Variants in SIPA1L3 observed in about 807,000 individuals in gnomAD.
SIPA1L3 encodes signal induced proliferation associated 1 like 3, also known as signal-induced proliferation-associated 1-like protein 3.
Under a neutral mutation model 150.1 loss-of-function variants are expected in SIPA1L3, and 59 were observed. The ratio of observed to expected loss-of-function variants is 0.39; its 90% confidence interval spans 0.32 to 0.49. The LOEUF (loss-of-function observed/expected upper bound fraction) is 0.49. Among genes scored for constraint, SIPA1L3 ranks in the 20% least tolerant of loss-of-function variants. The pLI, the probability that SIPA1L3 is intolerant of heterozygous loss-of-function variation, is 0.86. For missense variants in SIPA1L3, 2,211 were observed against 2,489.5 expected, an observed-to-expected ratio of 0.89 and a Z score of 2.38; for synonymous variants, 1,070 against 1,077.6, an observed-to-expected ratio of 0.99 and a Z score of 0.14.
chr19:37,976,990 A>G (rs939947486), intron 1 of SIPA1L3, among the ~76,000 whole-genome samples: 1 of 151,918 alleles, frequency 6.6e-6, no homozygotes, highest in Non-Finnish European at 1.5e-5. Flanking sequence ...ATGTGCCACC[A>G]TCCCCGGCTA....
chr19:37,918,872 A>AAATC (rs1176279861), intron 1 of SIPA1L3, among the ~76,000 whole-genome samples: 2 of 81,622 alleles, frequency 2.5e-5, no homozygotes, highest in Non-Finnish European at 5.3e-5. Context: ...CTCGGTCTCA[A>AAATC]AATAAATAAA....
At chr19:38,195,228 C>T (rs990642132) in intron 18 of SIPA1L3, among the ~76,000 whole-genome samples, 15 of 152,314 alleles carry the variant, frequency 9.8e-5, no homozygotes, top group East Asian at 1.9e-4. Context: ...TCTCTCCGCC[C>T]GCCATGCTCT....
chr19:38,112,052 GCA>G (rs541025549), intron 8 of SIPA1L3, among the ~76,000 whole-genome samples: 11 of 141,946 alleles, frequency 7.7e-5, no homozygotes, highest in South Asian at 4.4e-4. Flanking sequence ...GTCCACACAT[GCA>G]CACACACGTA....
Position 38,207,946 on chromosome 19 carries a change from A to G in SIPA1L3, c.*1706A>G, listed in dbSNP as rs995508383. 1 of 151,218 alleles carries G rather than the reference A, an allele frequency of 6.6e-6. No individual in the cohort carries two copies. Among genetic ancestry groups the G allele is most frequent in the Non-Finnish European group, 1.5e-5 (1 of 67,840 alleles). 9.4% of individuals were successfully genotyped at this position (151,218 alleles called of 1,614,324 possible). A position where few individuals can be genotyped will look rare whatever the true frequency, so the allele number is the denominator to read the frequency against. ...GCAGCGTCCTCAGCCCTGGCCAGCT[A>G]CTGTGATGCCATCTTCTCCCCCATC... On this transcript the variant is annotated 3_prime_UTR_variant, in exon 22 of 22. Transcript: ENST00000222345.
chr19:38,187,847 A>C (rs1226539507), intron 16 of SIPA1L3, among the ~76,000 whole-genome samples: 1 of 151,756 alleles, frequency 6.6e-6, no homozygotes, highest in East Asian at 1.9e-4. Flanking sequence ...AAATACAAAA[A>C]TTAGCCGAGT....
intron 1 of SIPA1L3, among the ~76,000 whole-genome samples, chr19:37,944,749 G>A (rs920786448): frequency 4.6e-5 from 7 of 152,028 alleles, no homozygotes; most frequent in South Asian, 2.1e-4. Context: ...TCAGGAGTTC[G>A]AGACCAGCCT....
In SIPA1L3 at chr19:38,119,659, A is replaced by G. The variant is rs772157860; in HGVS notation, c.2645A>G (p.Gln882Arg). Reference sequence around the variant, plus strand: ...AGGGTGGTGGCCCAGGACTACGCCCAGGGGGTGGAAATCGACTGCATTTTG... The same window carrying G: ...AGGGTGGTGGCCCAGGACTACGCCCGGGGGGTGGAAATCGACTGCATTTTG... ...AWRVVAQDYA[Q>R]GVEIDCILGI... Residue 882 changes from glutamine (Q) to arginine (R), a missense_variant, in exon 9 of 22, where the codon CAG becomes CGG. By Grantham distance (43) the Gln-to-Arg change is conservative. Coordinates refer to ENST00000222345, the MANE Select transcript of SIPA1L3 (RefSeq NM_015073.3). 179 of 1,614,184 alleles carry G rather than the reference A, an allele frequency of 1.1e-4. No individual in the cohort carries two copies. Among genetic ancestry groups the G allele is most frequent in the Non-Finnish European group, 1.3e-4 (148 of 1,180,010 alleles).
At chr19:38,205,297 T>TA (rs11448692) in intron 21 of SIPA1L3, among the ~76,000 whole-genome samples, 116,834 of 151,506 alleles carry the variant, frequency 0.77, 45,477 homozygotes, top group East Asian at 0.91. Flanking sequence ...CCGTCTCTAC[T>TA]AAAATACAAA....
intron 15 of SIPA1L3, among the ~76,000 whole-genome samples, chr19:38,181,089 C>G (rs1600179287): frequency 6.6e-6 from 1 of 152,302 alleles, no homozygotes; most frequent in Middle Eastern, 3.4e-3. Context: ...ACTCACTGAG[C>G]TGGGAAGAGG....
At chr19:38,152,816 G>A (rs1381477046) in intron 12 of SIPA1L3, 24 bp from the exon 13 acceptor site, 10 of 1,596,744 alleles carry the variant, frequency 6.3e-6, no homozygotes, top group African/African-American at 5.4e-5. Context: ...TTAACCCTGG[G>A]CACGTTCTTC....
At chr19:38,143,915 T>C (rs1316808193) in intron 12 of SIPA1L3, among the ~76,000 whole-genome samples, 2 of 152,100 alleles carry the variant, frequency 1.3e-5, no homozygotes, top group Admixed American at 6.6e-5. Context: ...AGGACACAGC[T>C]TTGGCCCCTC....
chr19:37,996,735 G>A (rs1418322067), intron 1 of SIPA1L3, among the ~76,000 whole-genome samples: 1 of 151,854 alleles, frequency 6.6e-6, no homozygotes, highest in East Asian at 1.9e-4. Context: ...TCACTCTGTT[G>A]CCTAGGCTGT....
At position 38,195,928 on chromosome 19, in the gene SIPA1L3, C is replaced by T. The variant is rs894477586; in HGVS notation, c.4840+2148C>T. ...CACCATACCGGGGGCCCCCCAAAGACGGGGCCTGGGGTTTTCTCTGTCACT... is the reference window on the plus strand; with the variant it reads ...CACCATACCGGGGGCCCCCCAAAGATGGGGCCTGGGGTTTTCTCTGTCACT... On this transcript the variant is annotated intron_variant, in intron 18 of 21. Coordinates refer to ENST00000222345, the MANE Select transcript of SIPA1L3 (RefSeq NM_015073.3). 3.4e-4 allele frequency among the ~76,000 whole-genome samples: 51 copies of T among 152,148 alleles called. 1 individual carries two copies. The highest frequency in any genetic ancestry group is 1.2e-3 in the African/African-American group (49 of 41,494).
Position 38,082,971 on chromosome 19 carries a change from C to A in SIPA1L3, c.1406C>A (p.Thr469Asn). Residue 469 changes from threonine (T) to asparagine (N), a missense_variant, in exon 3 of 22, where the codon ACC (threonine) becomes AAC (asparagine). Thr to Asn is a moderately conservative substitution (Grantham distance 65). Around this residue, in one of 5 missense-constraint regions of SIPA1L3, gnomAD observed 587 missense variants for 534.5 expected, o/e 1.10. Transcript: ENST00000222345. The stretch of plus-strand genomic sequence containing the variant: ...GAGCCCGCCCTGAGCGCCTACCGCA[C>A]CAACGCCAGCATCTCGGTGTTGGAA... ...LAEPALSAYR[T>N]NASISVLEVP... 6.2e-7 allele frequency: 1 copy of A among 1,613,174 alleles called. No homozygotes were observed. Among genetic ancestry groups the A allele is most frequent in the Non-Finnish European group, 8.5e-7 (1 of 1,179,878 alleles).
intron 20 of SIPA1L3, 92 bp downstream of exon 20, chr19:38,202,089 A>AC (rs1282158680): frequency 4.6e-6 from 6 of 1,297,496 alleles, no homozygotes. Context: ...CATGTGGGTC[A>AC]CCCCCACCAC....
At chr19:37,978,870 G>T (rs1441281398) in intron 1 of SIPA1L3, among the ~76,000 whole-genome samples, 3 of 152,064 alleles carry the variant, frequency 2.0e-5, no homozygotes, top group Non-Finnish European at 4.4e-5. Flanking sequence ...AGTCACTCGG[G>T]AGGCTGAGGT....
chr19:38,154,055 G>A (rs908829842), intron 13 of SIPA1L3, among the ~76,000 whole-genome samples: 1 of 152,158 alleles, frequency 6.6e-6, no homozygotes, highest in Admixed American at 6.6e-5. Flanking sequence ...TCCCCTCCCA[G>A]TTAGTACCCC....
rs201043296 is a variant in SIPA1L3, at chr19:38,110,395, C to G, written c.2291+11C>G. 1.3e-3 allele frequency: 2,128 copies of G among 1,608,142 alleles called. 4 individuals are homozygous for G. Among genetic ancestry groups the G allele is most frequent in the Non-Finnish European group, 1.5e-3 (1,773 of 1,175,558 alleles). ...TAACGTCTGTTACAGGTATGCCCCC[C>G]ACACCCGGCCCCCAGCAGCGTATGG... On this transcript the variant is annotated intron_variant, in intron 8 of 21. Transcript: ENST00000222345.
intron 1 of SIPA1L3, among the ~76,000 whole-genome samples, chr19:37,977,196 G>A (rs1390524614): frequency 3.3e-5 from 5 of 151,946 alleles, no homozygotes; most frequent in African/African-American, 7.3e-5. Context: ...ATGGAGGCTT[G>A]CTCTGTCGCC....
Sources: gnomAD v4.1 joint callset for allele counts (sites outside exome capture counted in the v4.1 genomes callset) on GRCh38, gnomAD v4.1.1 for gene constraint, gnomAD v4.1.1 regional missense constraint, MANE v1.5 for transcripts, NCBI Gene and HGNC (gene_info 2026-07-23, HGNC 2026-07-21) for gene names.